Variants in HEATR4 observed in about 807,000 individuals in gnomAD.
HEATR4 encodes the protein HEAT repeat containing 4.
Under a neutral mutation model 108.8 loss-of-function variants are expected in HEATR4, and 95 were observed. The ratio of observed to expected loss-of-function variants is 0.87; its 90% CI spans 0.74 to 1.04. The LOEUF is 1.04. Ranked by LOEUF, HEATR4 falls within the 50% of genes least tolerant of loss-of-function variation. The pLI, the probability that HEATR4 is intolerant of heterozygous loss-of-function variation, is 0.00. For synonymous variants in HEATR4, 443 were observed against 459.4 expected, an observed-to-expected ratio of 0.96 and a Z score of 0.46; for missense variants, 1,152 against 1,253.8, an observed-to-expected ratio of 0.92 and a Z score of 1.23.
At chr14:73,598,513 C>T in the HEATR4 span, among the ~76,000 whole-genome samples, 4 of 152,028 alleles carry the variant, frequency 2.6e-5, no homozygotes, top group Non-Finnish European at 5.9e-5. Context: ...GGTCATAGAA[C>T]GCCGTGAGGA....
the HEATR4 span, among the ~76,000 whole-genome samples, chr14:73,592,901 C>T: frequency 9.2e-4 from 140 of 152,300 alleles, no homozygotes; most frequent in African/African-American, 3.3e-3. Context: ...CTGTGTACTA[C>T]GGTTTTTACT....
rs891162250 is a variant in HEATR4, at chr14:73,496,650, T to C, written c.2576A>G (p.Asn859Ser). The C allele has an allele frequency of 3.8e-6, 6 of 1,594,668 alleles. No individual in the cohort carries two copies. The African/African-American group carries it at 6.7e-5, about 18-fold the overall frequency. ...TTCTTGGTTTCCTTCATTTCCTAAG[T>C]TGAGTATCTTCATTGTCTGGTACAT... ...KEMYQTMKIL[N>S]LGNEGNQEML... The change falls in exon 15 of 18, where the codon AAC becomes AGC. Residue 859 changes from asparagine (N) to serine (S), a missense_variant. Transcript: ENST00000553558.
intron 17 of HEATR4, among the ~76,000 whole-genome samples, chr14:73,487,617 C>T (rs1218999285): frequency 6.6e-6 from 1 of 152,052 alleles, no homozygotes; most frequent in Non-Finnish European, 1.5e-5. Context: ...CATGGTGGCT[C>T]ATGCTTGTAA....
chr14:73,506,380 AATAATAC>A (rs1268623802), intron 10 of HEATR4, 80 bp downstream of exon 10: 1 of 865,006 alleles, frequency 1.2e-6, no homozygotes, highest in Non-Finnish European at 1.9e-6. Context: ...GTAAGAATGG[AATAATAC>A]ATAGCAGCAA....
intron 2 of HEATR4, among the ~76,000 whole-genome samples, chr14:73,526,569 C>T (rs1197983690): frequency 6.6e-6 from 1 of 152,010 alleles, no homozygotes; most frequent in Non-Finnish European, 1.5e-5. Context: ...AGTTGCAAGA[C>T]AAAGTCCAGA....
the HEATR4 span, among the ~76,000 whole-genome samples, chr14:73,623,478 GT>G: frequency 6.6e-6 from 1 of 152,162 alleles, no homozygotes; most frequent in Non-Finnish European, 1.5e-5. Flanking sequence ...AAGGCCAGGA[GT>G]TTGAGACCAG....
chr14:73,562,208 C>T (rs550132212), upstream of HEATR4, among the ~76,000 whole-genome samples: 133 of 151,974 alleles, frequency 8.8e-4, 1 homozygote, highest in Non-Finnish European at 1.4e-3. Flanking sequence ...TCAAGGACCC[C>T]GAATGGAGGG....
intron 17 of HEATR4, chr14:73,480,810 A>G (rs1200525619): frequency 6.6e-6 from 1 of 152,158 alleles, no homozygotes; most frequent in Non-Finnish European, 1.5e-5. Flanking sequence ...CAAGGTCAGG[A>G]GTTCGAGACC....
At chr14:73,589,060 T>C in the HEATR4 span, among the ~76,000 whole-genome samples, 2 of 152,298 alleles carry the variant, frequency 1.3e-5, no homozygotes, top group East Asian at 3.9e-4. Flanking sequence ...GTACATTTGT[T>C]ACAATTGATT....
the HEATR4 span, among the ~76,000 whole-genome samples, chr14:73,614,026 C>CCAA: frequency 1.1e-5 from 1 of 92,994 alleles, no homozygotes; most frequent in Non-Finnish European, 2.1e-5. Context: ...TCTGTCTCTA[C>CCAA]AAAAAAAAAA....
chr14:73,482,742 C>T (rs1885305935), intron 17 of HEATR4, among the ~76,000 whole-genome samples: 1 of 152,122 alleles, frequency 6.6e-6, no homozygotes, highest in Non-Finnish European at 1.5e-5. Context: ...CCATAACCTC[C>T]GCCTTCCAAA....
chr14:73,526,013 C>G (rs1888314862), intron 2 of HEATR4, among the ~76,000 whole-genome samples: 1 of 151,708 alleles, frequency 6.6e-6, no homozygotes, highest in South Asian at 2.1e-4. Context: ...ATCACAGTAC[C>G]TGGTTTTCAC....
At chr14:73,631,420 G>C in the HEATR4 span, 2 of 152,426 alleles carry the variant, frequency 1.3e-5, no homozygotes, top group East Asian at 3.8e-4. Context: ...GAGTAGCTAG[G>C]ACAACAGGCA....
intron 1 of HEATR4, among the ~76,000 whole-genome samples, chr14:73,551,518 A>G (rs1330584336): frequency 8.7e-6 from 1 of 114,446 alleles, no homozygotes; most frequent in African/African-American, 2.8e-5. Context: ...TTAAGAGACA[A>G]AATGGCAGGC....
the HEATR4 span, chr14:73,569,528 G>A: frequency 6.2e-7 from 1 of 1,607,602 alleles, no homozygotes; most frequent in African/African-American, 1.3e-5. Context: ...CGGTCACGCT[G>A]CGCGCGTCCC....
intron 1 of HEATR4, among the ~76,000 whole-genome samples, chr14:73,545,063 CTT>C (rs1163488093): frequency 1.4e-4 from 14 of 101,632 alleles, no homozygotes; most frequent in Non-Finnish European, 1.5e-4. Context: ...ATTTTCTTTC[CTT>C]TTTTTTTTTT....
At chr14:73,507,631 T>C (rs1202410070) in intron 9 of HEATR4, among the ~76,000 whole-genome samples, 1 of 151,970 alleles carries the variant, frequency 6.6e-6, no homozygotes, top group Admixed American at 6.6e-5. Context: ...AGACAGGGTC[T>C]CACTATATTG....
intron 4 of HEATR4, chr14:73,520,286 TAAAC>T (rs1388273327): frequency 6.6e-6 from 1 of 152,424 alleles, no homozygotes; most frequent in African/African-American, 2.4e-5. Context: ...CTGAACACCT[TAAAC>T]AGACATTGAG....
chr14:73,559,737 AG>A (rs1262827345), upstream of HEATR4, among the ~76,000 whole-genome samples: 1 of 151,968 alleles, frequency 6.6e-6, no homozygotes, highest in Non-Finnish European at 1.5e-5. Flanking sequence ...AGTGAAGTGC[AG>A]TCTCAAAAGA....
Sources: allele counts gnomAD v4.1 joint callset (sites outside exome capture counted in the v4.1 genomes callset), GRCh38; gene constraint gnomAD v4.1.1; transcripts MANE v1.5; gene names NCBI Gene and HGNC (gene_info 2026-07-23, HGNC 2026-07-21).